CFAP58: variants seen among roughly 807,000 people sequenced by gnomAD.
CFAP58 encodes cilia- and flagella-associated protein 58.
CFAP58 carries 88 observed loss-of-function variants against 119.5 expected under a neutral mutation model. The ratio of observed to expected loss-of-function variants is 0.74; its 90% CI spans 0.62 to 0.88. The LOEUF (loss-of-function observed/expected upper bound fraction) is 0.88. Among genes scored for constraint, CFAP58 ranks in the 40% least tolerant of loss-of-function variants. CFAP58 has a pLI of 0.00. For missense variants in CFAP58, 990 were observed against 1,021.2 expected (o/e 0.97, Z 0.42); for synonymous variants, 365 against 366.3 (o/e 1.00, Z 0.04).
chr10:104,396,893 C>T (rs558640367), intron 11 of CFAP58, among the ~76,000 whole-genome samples: 1 of 152,148 alleles, frequency 6.6e-6, no homozygotes, highest in Non-Finnish European at 1.5e-5. Flanking sequence ...TTGATGTTAA[C>T]ATTTTCTGCC....
chr10:104,361,875 T>G, intron 2 of CFAP58, 148 bp from the exon 3 acceptor site: 1 of 704,406 alleles, frequency 1.4e-6, no homozygotes, highest in Non-Finnish European at 2.3e-6. Flanking sequence ...CAGTGTGCTA[T>G]TCACTATTGA....
At chr10:104,400,558 GC>G in intron 12 of CFAP58, 121 bp from the exon 13 acceptor site, 1 of 782,262 alleles carries the variant, frequency 1.3e-6, no homozygotes. Context: ...CCAGTGCCCA[GC>G]CCATGTGGTG....
At chr10:104,366,139 A>C in intron 5 of CFAP58, 131 bp downstream of exon 5, 1 of 798,992 alleles carries the variant, frequency 1.3e-6, no homozygotes, top group East Asian at 2.8e-5. Context: ...GATGATGTAA[A>C]ACTTAGCACT....
intron 1 of CFAP58, among the ~76,000 whole-genome samples, chr10:104,357,946 C>CACATATATGT (rs2014598745): frequency 1.2e-4 from 9 of 77,852 alleles, no homozygotes; most frequent in Non-Finnish European, 2.4e-4. Flanking sequence ...CATATATGTA[C>CACATATATGT]ACATATATAC....
intron 8 of CFAP58, among the ~76,000 whole-genome samples, chr10:104,377,877 G>C (rs919410484): frequency 6.6e-6 from 1 of 152,210 alleles, no homozygotes; most frequent in African/African-American, 2.4e-5. Context: ...TTTCTTCTTG[G>C]ACAATCTTGG....
intron 1 of CFAP58, among the ~76,000 whole-genome samples, chr10:104,358,055 G>A (rs959469969): frequency 2.1e-5 from 3 of 142,336 alleles, no homozygotes; most frequent in African/African-American, 8.3e-5. Flanking sequence ...ACACATATAT[G>A]TACATATATA....
chr10:104,390,444 A>G (rs1185200457), intron 9 of CFAP58, among the ~76,000 whole-genome samples: 1 of 152,240 alleles, frequency 6.6e-6, no homozygotes, highest in Non-Finnish European at 1.5e-5. Context: ...AAATCTGTGT[A>G]GTTGTCTATT....
intron 15 of CFAP58, among the ~76,000 whole-genome samples, chr10:104,416,251 C>T (rs1055270934): frequency 2.0e-5 from 3 of 152,140 alleles, no homozygotes; most frequent in African/African-American, 4.8e-5. Context: ...AACAGTGACA[C>T]GGAAATGGTT....
chr10:104,381,462 G>C (rs1273546057), intron 9 of CFAP58, among the ~76,000 whole-genome samples: 2 of 152,140 alleles, frequency 1.3e-5, no homozygotes, highest in Non-Finnish European at 2.9e-5. Context: ...TAGTTACGAG[G>C]CTGATAACAA....
chr10:104,383,063 C>T (rs2011849869), intron 9 of CFAP58, among the ~76,000 whole-genome samples: 1 of 152,140 alleles, frequency 6.6e-6, no homozygotes, highest in Non-Finnish European at 1.5e-5. Flanking sequence ...ATGAAAGGCA[C>T]AGCAGTTGGG....
intron 9 of CFAP58, among the ~76,000 whole-genome samples, chr10:104,388,237 C>A (rs937132837): frequency 6.6e-6 from 1 of 152,144 alleles, no homozygotes; most frequent in Non-Finnish European, 1.5e-5. Context: ...ATCAAATTAA[C>A]TTTTTAAAGT....
intron 15 of CFAP58, among the ~76,000 whole-genome samples, chr10:104,439,934 T>C (rs59395592): frequency 0.028 from 4,285 of 152,230 alleles, 210 homozygotes; most frequent in African/African-American, 0.098. Flanking sequence ...ATTCTCCTGC[T>C]TCAGCCTCCT....
At chr10:104,358,743 C>T (rs140388845) in intron 2 of CFAP58, 121 bp downstream of exon 2, 36 of 840,386 alleles carry the variant, frequency 4.3e-5, no homozygotes, top group South Asian at 2.3e-4. Flanking sequence ...ATTTTATATT[C>T]ATTAAGCCTA....
intron 14 of CFAP58, among the ~76,000 whole-genome samples, chr10:104,404,700 C>T (rs957712876): frequency 3.9e-5 from 6 of 152,172 alleles, no homozygotes; most frequent in African/African-American, 1.4e-4. Context: ...AGCTCTGCCT[C>T]CCGGGTTCAC....
chr10:104,355,254 T>G (rs891084900), intron 1 of CFAP58, among the ~76,000 whole-genome samples: 1 of 152,242 alleles, frequency 6.6e-6, no homozygotes, highest in African/African-American at 2.4e-5. Flanking sequence ...ACCAGTCATC[T>G]TTGTTTATTT....
intron 14 of CFAP58, among the ~76,000 whole-genome samples, chr10:104,405,479 G>A (rs1313233884): frequency 2.7e-4 from 41 of 152,202 alleles, no homozygotes; most frequent in Admixed American, 2.7e-3. Flanking sequence ...TAGAGACTCT[G>A]GGAGGCAGTT....
the CFAP58 span, among the ~76,000 whole-genome samples, chr10:104,339,381 G>A: frequency 2.0e-5 from 3 of 152,132 alleles, no homozygotes; most frequent in Non-Finnish European, 4.4e-5. Context: ...CGTTCTGGTC[G>A]AGCTTAATAG....
At chr10:104,390,830 T>C (rs530822495) in intron 9 of CFAP58, among the ~76,000 whole-genome samples, 8 of 152,166 alleles carry the variant, frequency 5.3e-5, no homozygotes, top group East Asian at 1.9e-4. Context: ...TATAAAGAAA[T>C]TAAAATATTT....
At chr10:104,438,536 C>G (rs1313655477) in intron 15 of CFAP58, among the ~76,000 whole-genome samples, 1 of 151,500 alleles carries the variant, frequency 6.6e-6, no homozygotes, top group African/African-American at 2.4e-5. Flanking sequence ...CCACAGCGCC[C>G]GGCTAATTTT....
Sources: allele counts gnomAD v4.1 joint callset (sites outside exome capture counted in the v4.1 genomes callset), GRCh38; gene constraint gnomAD v4.1.1; transcripts MANE v1.5; gene names NCBI Gene and HGNC (gene_info 2026-07-23, HGNC 2026-07-21).